FARS2: variants seen among roughly 807,000 people sequenced by gnomAD.
FARS2 encodes the protein phenylalanine--tRNA ligase, mitochondrial.
FARS2 carries 40 observed loss-of-function variants against 46.4 expected under a neutral mutation model. The ratio of observed to expected loss-of-function variants is 0.86; its 90% confidence interval spans 0.67 to 1.12. The LOEUF (loss-of-function observed/expected upper bound fraction) is 1.12. Ranked by LOEUF, FARS2 falls within the 50% of genes most tolerant of loss-of-function variation. The probability of loss-of-function intolerance (pLI) is 0.00; values close to 1 mark genes in which losing one functional copy is unlikely to be tolerated. For synonymous variants in FARS2, 234 were observed against 214.9 expected, an observed-to-expected ratio of 1.09 and a Z score of -0.78; for missense variants, 513 against 567.9, an observed-to-expected ratio of 0.90 and a Z score of 0.98.
chr6:5,681,050 A>G (rs1352783466), intron 6 of FARS2, among the ~76,000 whole-genome samples: 1 of 152,218 alleles, frequency 6.6e-6, no homozygotes, highest in East Asian at 1.9e-4. Context: ...TAAATCTCCA[A>G]GTTTGTGTTT....
intron 1 of FARS2, among the ~76,000 whole-genome samples, chr6:5,301,781 A>C (rs1376995857): frequency 6.7e-6 from 1 of 149,898 alleles, no homozygotes; most frequent in African/African-American, 2.5e-5. Flanking sequence ...TGACAGAGTA[A>C]GATGCTATCT....
At chr6:5,391,590 G>C (rs1019526414) in intron 2 of FARS2, among the ~76,000 whole-genome samples, 2 of 151,858 alleles carry the variant, frequency 1.3e-5, no homozygotes, top group African/African-American at 4.8e-5. Context: ...TTAATGGCTG[G>C]TATAAAAATG....
intron 6 of FARS2, among the ~76,000 whole-genome samples, chr6:5,700,598 A>G (rs1224840930): frequency 3.3e-5 from 5 of 152,030 alleles, no homozygotes; most frequent in Admixed American, 2.6e-4. Context: ...GGGTTTCACC[A>G]TGTTGGCCAG....
chr6:5,368,926 TGGTCAC>T lies in FARS2; in HGVS notation c.358_363del (p.Val120_Thr121del), dbSNP rs1350406716. On this transcript the variant is annotated inframe_deletion, in exon 2 of 7. Coordinates refer to ENST00000274680, the MANE Select transcript of FARS2 (RefSeq NM_006567.5). ...TCGGTCTACGACAACCTTTCTCCAGTGGTCACGACCTGGCAGAACTTTGACAGCCTG... is the reference window on the plus strand; with the variant it reads ...TCGGTCTACGACAACCTTTCTCCAGTGACCTGGCAGAACTTTGACAGCCTG... 6.2e-7 allele frequency: 1 copy of T among 1,614,118 alleles called. No homozygotes were observed. The highest frequency in any genetic ancestry group is 8.5e-7 in the Non-Finnish European group (1 of 1,180,012).
chr6:5,532,946 C>CT (rs545872363), intron 4 of FARS2, among the ~76,000 whole-genome samples: 107 of 149,916 alleles, frequency 7.1e-4, no homozygotes, highest in Non-Finnish European at 1.1e-3. Flanking sequence ...TAATACAAAA[C>CT]TTTTTTTTTT....
At chr6:5,687,214 T>A (rs1188545251) in intron 6 of FARS2, among the ~76,000 whole-genome samples, 1 of 152,232 alleles carries the variant, frequency 6.6e-6, no homozygotes, top group African/African-American at 2.4e-5. Context: ...TAGATCCCAT[T>A]TGTCAATTTT....
intron 4 of FARS2, among the ~76,000 whole-genome samples, chr6:5,495,927 A>G (rs919088014): frequency 1.3e-5 from 2 of 152,226 alleles, no homozygotes; most frequent in Non-Finnish European, 2.9e-5. Flanking sequence ...AATATTCAGT[A>G]TCACGATGCC....
intron 6 of FARS2, chr6:5,664,897 T>G (rs1222535038): frequency 6.6e-6 from 1 of 152,244 alleles, no homozygotes; most frequent in Non-Finnish European, 1.5e-5. Context: ...ATTATTTTGG[T>G]CCTGCCAGTT....
At chr6:5,355,413 C>T (rs113701189) in intron 1 of FARS2, among the ~76,000 whole-genome samples, 8,545 of 149,080 alleles carry the variant, frequency 0.057, 299 homozygotes, top group Middle Eastern at 0.14. Flanking sequence ...CTCTGTCACC[C>T]AGGCGTGATC....
intron 5 of FARS2, among the ~76,000 whole-genome samples, chr6:5,608,182 A>G (rs1774956690): frequency 6.6e-6 from 1 of 152,184 alleles, no homozygotes; most frequent in Admixed American, 6.5e-5. Context: ...CTGCAGTGTG[A>G]TAAATGTAAG....
chr6:5,494,870 A>G (rs1767355680), intron 4 of FARS2, among the ~76,000 whole-genome samples: 1 of 152,222 alleles, frequency 6.6e-6, no homozygotes. Context: ...AGAAAACTAG[A>G]TGAGGAAAAA....
At chr6:5,546,407 C>T (rs562770340) in intron 5 of FARS2, among the ~76,000 whole-genome samples, 31 of 151,310 alleles carry the variant, frequency 2.0e-4, no homozygotes, top group Non-Finnish European at 3.5e-4. Context: ...CCCACCACTA[C>T]GCCCAGCTAA....
At chr6:5,770,281 C>G (rs1762966844) in intron 6 of FARS2, among the ~76,000 whole-genome samples, 1 of 152,212 alleles carries the variant, frequency 6.6e-6, no homozygotes, top group Admixed American at 6.5e-5. Flanking sequence ...CACGTGGCCT[C>G]TCCCTGGCTA....
chr6:5,379,117 C>T (rs1759586007), intron 2 of FARS2, among the ~76,000 whole-genome samples: 1 of 152,208 alleles, frequency 6.6e-6, no homozygotes, highest in Admixed American at 6.5e-5. Flanking sequence ...TTGTGTGTGC[C>T]TGGTGTCTCC....
intron 6 of FARS2, among the ~76,000 whole-genome samples, chr6:5,719,396 T>TCAAA (rs375365322): frequency 8.1e-6 from 1 of 123,052 alleles, no homozygotes; most frequent in South Asian, 2.7e-4. Context: ...CAAAAAAAAT[T>TCAAA]AAAAAAAAAA....
At chr6:5,344,281 G>A (rs770371162) in intron 1 of FARS2, among the ~76,000 whole-genome samples, 4 of 152,170 alleles carry the variant, frequency 2.6e-5, no homozygotes, top group African/African-American at 4.8e-5. Context: ...ATAGGTTCCT[G>A]GAGACGGAGG....
intron 1 of FARS2, among the ~76,000 whole-genome samples, chr6:5,290,218 C>T (rs986070776): frequency 2.6e-5 from 4 of 152,076 alleles, no homozygotes; most frequent in African/African-American, 7.2e-5. Context: ...TGTTTTGTAC[C>T]GACTACTATG....
chr6:5,530,033 C>T (rs1178851938), intron 4 of FARS2, among the ~76,000 whole-genome samples: 1 of 152,218 alleles, frequency 6.6e-6, no homozygotes, highest in African/African-American at 2.4e-5. Context: ...TCCAAAGGGC[C>T]AGCCAACTTT....
At chr6:5,448,461 C>G (rs1048618165) in intron 4 of FARS2, among the ~76,000 whole-genome samples, 98 of 109,380 alleles carry the variant, frequency 9.0e-4, no homozygotes, top group Non-Finnish European at 1.7e-3. Context: ...AAGCAGCACA[C>G]ATTTTTTCTG....
Sources: allele counts gnomAD v4.1 joint callset (sites outside exome capture counted in the v4.1 genomes callset), GRCh38; gene constraint gnomAD v4.1.1; transcripts MANE v1.5; gene names NCBI Gene and HGNC (gene_info 2026-07-23, HGNC 2026-07-21).